Variants in ATF7IP observed in about 807,000 individuals in gnomAD.
ATF7IP encodes activating transcription factor 7 interacting protein, also known as activating transcription factor 7-interacting protein 1.
Under a neutral mutation model 106.4 loss-of-function variants are expected in ATF7IP, and 23 were observed. The ratio of observed to expected loss-of-function variants is 0.22; its 90% confidence interval spans 0.16 to 0.31. The LOEUF is 0.31. Ranked by LOEUF, ATF7IP falls within the 10% of genes least tolerant of loss-of-function variation. The pLI is 1.00. For synonymous variants in ATF7IP, 542 were observed against 539.0 expected (o/e 1.01, Z -0.08); for missense variants, 1,334 against 1,524.3 (o/e 0.88, Z 2.08).
At chr12:14,482,544 A>G (rs1944466120) in intron 13 of ATF7IP, 1 of 152,226 alleles carries the variant, frequency 6.6e-6, no homozygotes, top group South Asian at 2.1e-4. Flanking sequence ...GATTGTGCCC[A>G]CCAGATTAAA....
At chr12:14,420,078 A>G (rs1941415111) in intron 1 of ATF7IP, 1 of 152,176 alleles carries the variant, frequency 6.6e-6, no homozygotes, top group Non-Finnish European at 1.5e-5. Context: ...AGTTAGGTTT[A>G]CTATTTGCTG....
chr12:14,428,094 A>T (rs1421310068), intron 2 of ATF7IP, among the ~76,000 whole-genome samples: 2 of 152,158 alleles, frequency 1.3e-5, no homozygotes, highest in African/African-American at 4.8e-5. Context: ...GTCTATACAG[A>T]GTGTGGCACT....
chr12:14,426,545 G>A (rs1171312385), intron 2 of ATF7IP, among the ~76,000 whole-genome samples: 1 of 54,368 alleles, frequency 1.8e-5, no homozygotes, highest in Non-Finnish European at 3.9e-5. Context: ...TTTTTTTTTT[G>A]GCCAGGTAAG....
chr12:14,374,157 G>T (rs1298824188), intron 1 of ATF7IP, among the ~76,000 whole-genome samples: 2 of 151,188 alleles, frequency 1.3e-5, no homozygotes, highest in East Asian at 3.9e-4. Flanking sequence ...GAGTGCAGTG[G>T]TGTGATCATG....
rs995031400 is a variant in ATF7IP at position 14,418,137 on chromosome 12, GA to G, written c.-7-5763del. 4.0e-5 allele frequency among the ~76,000 whole-genome samples: 6 copies of G among 150,580 alleles called. No homozygotes were observed. The South Asian group carries it at 8.4e-4, about 21-fold the overall frequency. ...TTTAAAAATAATTTACCAAAAATTT[GA>G]AAAAAAAATTTCCAAGCCAGAGAGA... On this transcript the variant is annotated intron_variant, in intron 1 of 14. Coordinates refer to ENST00000261168, the MANE Select transcript of ATF7IP (RefSeq NM_018179.5).
intron 1 of ATF7IP, among the ~76,000 whole-genome samples, chr12:14,422,722 C>A (rs1471814412): frequency 1.3e-5 from 2 of 152,160 alleles, no homozygotes; most frequent in African/African-American, 2.4e-5. Context: ...GTAGCATGTT[C>A]AGTACTTCAT....
At chr12:14,446,156 T>G (rs1009107929) in intron 5 of ATF7IP, among the ~76,000 whole-genome samples, 1 of 142,266 alleles carries the variant, frequency 7.0e-6, no homozygotes, top group Non-Finnish European at 1.5e-5. Flanking sequence ...TTGTTTTTTG[T>G]TTTTTTTTTG....
chr12:14,451,901 G>C (rs1222395012), intron 6 of ATF7IP, among the ~76,000 whole-genome samples: 1 of 152,098 alleles, frequency 6.6e-6, no homozygotes, highest in African/African-American at 2.4e-5. Context: ...AAAGTTCTCT[G>C]TTTCTGTGTT....
intron 13 of ATF7IP, among the ~76,000 whole-genome samples, chr12:14,485,247 G>A (rs552446780): frequency 1.3e-5 from 2 of 152,060 alleles, no homozygotes; most frequent in East Asian, 3.9e-4. Context: ...CTCGATAAAT[G>A]GGCTGGAGTA....
chr12:14,396,398 G>T (rs1032263466), intron 1 of ATF7IP, among the ~76,000 whole-genome samples: 1 of 151,844 alleles, frequency 6.6e-6, no homozygotes, highest in African/African-American at 2.4e-5. Context: ...GGCAGGAACT[G>T]TTCCTTACTT....
intron 9 of ATF7IP, among the ~76,000 whole-genome samples, chr12:14,465,444 T>A (rs1046944556): frequency 2.0e-5 from 3 of 151,986 alleles, no homozygotes; most frequent in Admixed American, 6.5e-5. Flanking sequence ...GTAACATCAG[T>A]AGCCTAAAAT....
chr12:14,368,729 A>T (rs964672992), intron 1 of ATF7IP, among the ~76,000 whole-genome samples: 2 of 152,048 alleles, frequency 1.3e-5, no homozygotes, highest in Admixed American at 1.3e-4. Flanking sequence ...TTATTGTTTT[A>T]TATATGCATT....
intron 2 of ATF7IP, among the ~76,000 whole-genome samples, chr12:14,426,406 A>G (rs1043630147): frequency 1.3e-5 from 2 of 151,972 alleles, no homozygotes; most frequent in Non-Finnish European, 2.9e-5. Context: ...CTAGCATAAA[A>G]CACCATCTAA....
At position 14,424,210 on chromosome 12, in the gene ATF7IP, G is replaced by A. The variant is rs1382290940; in HGVS notation, c.295G>A (p.Val99Ile). Residue 99 changes from valine to isoleucine, a missense_variant, in exon 2 of 15, where the codon GTA becomes ATA. Val to Ile is a conservative substitution (Grantham distance 29, BLOSUM62 3). Around this residue, in one of 10 missense-constraint regions of ATF7IP, gnomAD observed 438 missense variants for 405.3 expected, o/e 1.08. Transcript: ENST00000261168. ...KETPCILSVNVKNKQDDDLNC... is the reference protein window; with the variant it reads ...KETPCILSVNIKNKQDDDLNC... The stretch of plus-strand genomic sequence containing the variant: ...AACACCCTGTATCCTAAGTGTTAAT[G>A]TAAAAAACAAGCAGGATGATGATTT... 2 of 1,614,156 alleles carry A rather than the reference G, an allele frequency of 1.2e-6. No individual in the cohort carries two copies. The highest frequency in any genetic ancestry group is 4.5e-5 in the East Asian group (2 of 44,878).
intron 6 of ATF7IP, among the ~76,000 whole-genome samples, chr12:14,453,030 C>G (rs547152700): frequency 1.3e-5 from 2 of 152,188 alleles, no homozygotes; most frequent in Admixed American, 1.3e-4. Flanking sequence ...TATATTATCT[C>G]ACTCCTTCAG....
chr12:14,430,368 T>G (rs1303487452), intron 2 of ATF7IP, among the ~76,000 whole-genome samples: 2 of 152,142 alleles, frequency 1.3e-5, no homozygotes, highest in Non-Finnish European at 2.9e-5. Flanking sequence ...AAAACCTGAT[T>G]TGGGTTTCAG....
chr12:14,481,423 A>G, intron 13 of ATF7IP: 1 of 554,374 alleles, frequency 1.8e-6, no homozygotes, highest in Non-Finnish European at 3.2e-6. Context: ...GTCACCACAC[A>G]CAAAAAAGGT....
chr12:14,368,023 G>T (rs1938379038), intron 1 of ATF7IP, among the ~76,000 whole-genome samples: 1 of 152,034 alleles, frequency 6.6e-6, no homozygotes, highest in Non-Finnish European at 1.5e-5. Flanking sequence ...AAATTTATAT[G>T]TAGTTTAGAA....
intron 2 of ATF7IP, among the ~76,000 whole-genome samples, chr12:14,427,456 G>A (rs1260132479): frequency 1.3e-5 from 2 of 151,784 alleles, no homozygotes; most frequent in African/African-American, 4.8e-5. Context: ...TCCGCCTCCC[G>A]GGTTCAAGTG....
Sources: allele counts gnomAD v4.1 joint callset (sites outside exome capture counted in the v4.1 genomes callset), GRCh38; gene constraint gnomAD v4.1.1; regional missense constraint gnomAD v4.1.1; transcripts MANE v1.5; gene names NCBI Gene and HGNC (gene_info 2026-07-23, HGNC 2026-07-21).